Variants in ZNF106 observed in about 807,000 individuals in gnomAD.
ZNF106 encodes the protein zinc finger protein 106.
A neutral mutation model predicts 195.1 loss-of-function variants in ZNF106; 67 were observed. The ratio of observed to expected loss-of-function variants is 0.34; its 90% CI spans 0.28 to 0.42. The LOEUF is 0.42. ZNF106 is among the 10% of genes least tolerant of loss of function. ZNF106 has a pLI of 1.00. For synonymous variants in ZNF106, 784 were observed against 818.6 expected, an observed-to-expected ratio of 0.96 and a Z score of 0.72; for missense variants, 2,118 against 2,304.5, an observed-to-expected ratio of 0.92 and a Z score of 1.66.
chr15:42,457,466 G>T, intron 3 of ZNF106: 1 of 1,236,530 alleles, frequency 8.1e-7, no homozygotes, highest in Non-Finnish European at 1.0e-6. Flanking sequence ...TGAAAGGGGA[G>T]GCAGGGCAGG....
intron 1 of ZNF106, among the ~76,000 whole-genome samples, chr15:42,479,626 G>A (rs1419950258): frequency 6.6e-6 from 1 of 152,024 alleles, no homozygotes; most frequent in Non-Finnish European, 1.5e-5. Context: ...CAGATCACCA[G>A]AGGTCAGGAG....
At position 42,451,339 on chromosome 15, in the gene ZNF106, A is replaced by C. The variant is rs1319604831; in HGVS notation, c.933T>G (p.Leu311=). The C allele has an allele frequency of 1.2e-6, 2 of 1,613,736 alleles. No homozygotes were observed. Among genetic ancestry groups the C allele is most frequent in the South Asian group, 2.2e-5 (2 of 91,072 alleles). ...YNWQRQENDK[L]GTVATYRGPS... ...GACCTCTATATGTGGCAACTGTACC[A>C]AGTTTGTCATTTTCTTGCCGCTGCC... Residue 311 remains leucine (L), a synonymous_variant, in exon 5 of 22, where the codon CTT becomes CTG. Coordinates refer to ENST00000564754, the MANE Select transcript of ZNF106 (RefSeq NM_001366845.3).
At chr15:42,423,804 C>A (rs2054755174) in intron 17 of ZNF106, among the ~76,000 whole-genome samples, 194 bp downstream of exon 17, 1 of 152,202 alleles carries the variant, frequency 6.6e-6, no homozygotes, top group Non-Finnish European at 1.5e-5. Flanking sequence ...GCCTGTCTGT[C>A]CACCATTAAA....
chr15:42,463,282 A>T (rs1025444443), intron 3 of ZNF106, among the ~76,000 whole-genome samples: 1 of 152,162 alleles, frequency 6.6e-6, no homozygotes, highest in Non-Finnish European at 1.5e-5. Context: ...TGAACTCTAG[A>T]AGGAAGTCTG....
chr15:42,435,021 G>A (rs1005491463), intron 14 of ZNF106, among the ~76,000 whole-genome samples: 1 of 152,004 alleles, frequency 6.6e-6, no homozygotes, highest in African/African-American at 2.4e-5. Flanking sequence ...GAATCCACCC[G>A]CCTCTGCCTC....
intron 2 of ZNF106, among the ~76,000 whole-genome samples, chr15:42,467,846 C>T (rs1303993496): frequency 3.3e-5 from 5 of 151,920 alleles, no homozygotes; most frequent in African/African-American, 1.2e-4. Context: ...TTAGTCTTGC[C>T]CTCTCGGAGT....
Position 42,417,125 on chromosome 15 carries a change from A to C in ZNF106, c.*179T>G. ...AATCTATTTAAAACCTCCAGCAAGA[A>C]CTTAAAAGTGTAATTTATCATCCCA... On this transcript the variant is annotated 3_prime_UTR_variant, in exon 22 of 22. Transcript: ENST00000564754. The C allele has an allele frequency of 1.7e-6, 1 of 601,400 alleles. No individual in the cohort carries two copies. Among genetic ancestry groups the C allele is most frequent in the Non-Finnish European group, 2.9e-6 (1 of 344,672 alleles). The allele number at this position is 601,400 out of a possible 1,614,324, so 37.3% of individuals were successfully genotyped here.
At chr15:42,456,808 C>T (rs1018285327) in intron 4 of ZNF106, 150 bp downstream of exon 4, 1 of 705,586 alleles carries the variant, frequency 1.4e-6, no homozygotes, top group Middle Eastern at 2.6e-4. Flanking sequence ...AGAAAACATT[C>T]CATTGCCCTT....
chr15:42,470,205 C>A (rs1345535195), intron 2 of ZNF106, among the ~76,000 whole-genome samples: 3 of 152,054 alleles, frequency 2.0e-5, no homozygotes, highest in East Asian at 3.8e-4. Flanking sequence ...TGTTAATGGG[C>A]CTCAGGATAC....
intron 3 of ZNF106, among the ~76,000 whole-genome samples, chr15:42,462,566 C>G (rs2056417674): frequency 6.6e-6 from 1 of 152,102 alleles, no homozygotes; most frequent in African/African-American, 2.4e-5. Flanking sequence ...CCATTGCACT[C>G]CAGCTTGGGC....
chr15:42,428,966 C>T (rs1053933317), intron 14 of ZNF106, among the ~76,000 whole-genome samples: 4 of 151,220 alleles, frequency 2.6e-5, no homozygotes, highest in Admixed American at 6.6e-5. Flanking sequence ...GGGGTTTCAT[C>T]GTATTAGCCA....
intron 6 of ZNF106, among the ~76,000 whole-genome samples, chr15:42,447,686 G>A (rs535768385): frequency 6.6e-6 from 1 of 152,310 alleles, no homozygotes; most frequent in Non-Finnish European, 1.5e-5. Context: ...CCTGAATCCA[G>A]CAATCATCCA....
At position 42,439,681 on chromosome 15, in the gene ZNF106, CTGTT is replaced by C; in HGVS notation, c.3892_3895del (p.Asn1298GlufsTer15). 6.2e-7 allele frequency: 1 copy of C among 1,613,982 alleles called. No individual in the cohort carries two copies. The highest frequency in any genetic ancestry group is 8.5e-7 in the Non-Finnish European group (1 of 1,179,970). ...TGATTGGGAAGAGGGAGAGTTTTCT[CTGTT>C]TCTGGTATTTCTTTGCTCCACAGAA... On this transcript the variant is annotated frameshift_variant, in exon 11 of 22. Transcript: ENST00000564754. LOFTEE classifies it high-confidence loss of function.
At chr15:42,443,633 G>A (rs1316586870) in intron 9 of ZNF106, among the ~76,000 whole-genome samples, 1 of 151,984 alleles carries the variant, frequency 6.6e-6, no homozygotes, top group Non-Finnish European at 1.5e-5. Context: ...GGGGGAGTGA[G>A]GTGGGAAAAT....
intron 1 of ZNF106, among the ~76,000 whole-genome samples, chr15:42,483,072 C>A (rs2056938850): frequency 6.6e-6 from 1 of 152,166 alleles, no homozygotes; most frequent in African/African-American, 2.4e-5. Flanking sequence ...CCCTACATGA[C>A]ATAGATCAGG....
At chr15:42,466,171 A>G in intron 2 of ZNF106, 57 bp from the exon 3 acceptor site, 8 of 1,374,404 alleles carry the variant, frequency 5.8e-6, no homozygotes, top group Non-Finnish European at 7.7e-6. Flanking sequence ...AAAAAAAAAA[A>G]CTCCTCTGTT....
Position 42,491,087 on chromosome 15 carries a change from G to A in ZNF106, c.-140C>T, listed in dbSNP as rs990975639. The A allele has an allele frequency of 6.6e-6, 1 of 152,110 alleles. No homozygotes were observed. Among genetic ancestry groups the A allele is most frequent in the Non-Finnish European group, 1.5e-5 (1 of 68,042 alleles). The allele number at this position is 152,110 out of a possible 1,614,324, so 9.4% of individuals were successfully genotyped here. A position where few individuals can be genotyped will look rare whatever the true frequency, so the allele number is the denominator to read the frequency against. ...GTTTTGGGTCCGGGAGCCTGCTCCG[G>A]ACCCGCTCCCCGCCGGGCCCCGCCA... On this transcript the variant is annotated 5_prime_UTR_variant, in exon 1 of 22. Transcript: ENST00000564754.
Position 42,442,146 on chromosome 15 carries a change from T to C in ZNF106, c.3690A>G (p.Glu1230=), listed in dbSNP as rs138530756. The change falls in exon 10 of 22, where the codon GAA becomes GAG. Residue 1230 remains glutamate (E), a synonymous_variant. Coordinates refer to ENST00000564754, the MANE Select transcript of ZNF106 (RefSeq NM_001366845.3). ...VQIKQEPMSP[E]QDENVNAVPP... ...GCACAGCATTCACATTCTCATCTTG[T>C]TCAGGAGACATGGGCTCTTGTTTAA... The C allele has an allele frequency of 1.9e-6, 3 of 1,614,080 alleles. No individual in the cohort carries two copies. The highest frequency in any genetic ancestry group is 1.3e-5 in the African/African-American group (1 of 74,922).
In ZNF106 at chr15:42,448,174, A is replaced by C; in HGVS notation, c.3033T>G (p.Leu1011=). ...CTGCATCCGCTAAACTGGAGATCGC[A>C]AGGGCTGAGGATGCGCTTGATGACA... ...NCLSSSASSA[L]AISSLADAAT... Residue 1011 remains leucine, a synonymous_variant, in exon 6 of 22, where the codon CTT becomes CTG. Coordinates refer to ENST00000564754, the MANE Select transcript of ZNF106 (RefSeq NM_001366845.3). 1 of 1,614,168 alleles carries C rather than the reference A, an allele frequency of 6.2e-7. No individual in the cohort carries two copies. Among genetic ancestry groups the C allele is most frequent in the Non-Finnish European group, 8.5e-7 (1 of 1,180,024 alleles).
Sources: gnomAD v4.1 joint callset for allele counts (sites outside exome capture counted in the v4.1 genomes callset) on GRCh38, gnomAD v4.1.1 for gene constraint, MANE v1.5 for transcripts, NCBI Gene and HGNC (gene_info 2026-07-23, HGNC 2026-07-21) for gene names.